GALNT13: variants seen among roughly 807,000 people sequenced by gnomAD.
GALNT13 encodes the protein UDP-GalNAc:polypeptide N-acetylgalactosaminyltransferase 13.
GALNT13 carries 28 observed loss-of-function variants against 64.2 expected under a neutral mutation model. The ratio of observed to expected loss-of-function variants is 0.44; its 90% CI spans 0.32 to 0.60. The LOEUF (loss-of-function observed/expected upper bound fraction) is 0.60. Among genes scored for constraint, GALNT13 ranks in the 20% least tolerant of loss-of-function variants. The pLI is 0.05. For synonymous variants in GALNT13, 214 were observed against 224.6 expected (o/e 0.95, Z 0.42); for missense variants, 577 against 669.8 (o/e 0.86, Z 1.53).
the GALNT13 span, among the ~76,000 whole-genome samples, chr2:153,808,209 A>T: frequency 1.3e-5 from 2 of 152,120 alleles, no homozygotes; most frequent in Non-Finnish European, 2.9e-5. Flanking sequence ...TTCTATACTG[A>T]AACTACCTAA....
At chr2:153,648,943 C>T in the GALNT13 span, among the ~76,000 whole-genome samples, 2 of 152,098 alleles carry the variant, frequency 1.3e-5, no homozygotes, top group Non-Finnish European at 2.9e-5. Flanking sequence ...GGTTGTGTCT[C>T]TGCCAGGCTT....
At chr2:154,001,467 CA>C (rs957249909) in intron 3 of GALNT13, among the ~76,000 whole-genome samples, 11 of 151,710 alleles carry the variant, frequency 7.3e-5, no homozygotes, top group African/African-American at 1.9e-4. Context: ...ATGAAGCTTA[CA>C]AAAAAATTAT....
intron 3 of GALNT13, among the ~76,000 whole-genome samples, chr2:154,005,718 T>A (rs924753053): frequency 2.0e-5 from 3 of 152,180 alleles, no homozygotes; most frequent in Non-Finnish European, 2.9e-5. Context: ...CGATTTATTT[T>A]TTTTTTGTGG....
the GALNT13 span, among the ~76,000 whole-genome samples, chr2:153,359,470 AAC>A: frequency 5.9e-5 from 9 of 151,944 alleles, no homozygotes; most frequent in African/African-American, 2.2e-4. Context: ...AAACAGGAAA[AAC>A]AGTCAGACTT....
At chr2:153,723,657 A>C in the GALNT13 span, among the ~76,000 whole-genome samples, 70 of 152,258 alleles carry the variant, frequency 4.6e-4, no homozygotes, top group African/African-American at 1.4e-3. Flanking sequence ...CTATACACCA[A>C]CAACAAACAA....
intron 11 of GALNT13, among the ~76,000 whole-genome samples, chr2:154,422,807 A>G (rs976536103): frequency 6.6e-6 from 1 of 152,236 alleles, no homozygotes; most frequent in African/African-American, 2.4e-5. Flanking sequence ...AGCAAGTGCC[A>G]CTTCTGGGTG....
the GALNT13 span, among the ~76,000 whole-genome samples, chr2:153,767,598 C>A: frequency 2.0e-5 from 3 of 152,134 alleles, no homozygotes; most frequent in African/African-American, 7.2e-5. Flanking sequence ...TACTCCACAT[C>A]CATAACAACA....
chr2:154,086,393 A>G (rs1701528399), intron 3 of GALNT13, among the ~76,000 whole-genome samples: 1 of 148,242 alleles, frequency 6.7e-6, no homozygotes, highest in African/African-American at 2.4e-5. Context: ...TATTTATATT[A>G]TATTTACATT....
chr2:154,201,265 T>G (rs1307714107), intron 4 of GALNT13, among the ~76,000 whole-genome samples: 1 of 152,112 alleles, frequency 6.6e-6, no homozygotes, highest in East Asian at 1.9e-4. Context: ...GAATGTGTAT[T>G]CATGACAGCA....
the GALNT13 span, chr2:153,421,082 G>C: frequency 4.1e-6 from 1 of 244,764 alleles, no homozygotes; most frequent in South Asian, 5.6e-5. Flanking sequence ...AGTAAGCCAT[G>C]TATTTACCAT....
Position 154,123,654 on chromosome 2 carries a change from G to C in GALNT13, c.143-16683G>C, listed in dbSNP as rs191590686. On this transcript the variant is annotated intron_variant, in intron 3 of 12. Coordinates refer to ENST00000392825, the MANE Select transcript of GALNT13 (RefSeq NM_052917.4). ...GAAAAAGTGCCTTAGAGAACGGTTT[G>C]TCATTTCTTATAAAGTTAAGAAATG... is the stretch of plus-strand genomic sequence containing the variant. 3.1e-3 allele frequency among the ~76,000 whole-genome samples: 465 copies of C among 152,004 alleles called. 1 individual carries two copies. The highest frequency in any genetic ancestry group is 4.4e-3 in the Non-Finnish European group (300 of 67,878).
chr2:153,098,619 T>G, the GALNT13 span, among the ~76,000 whole-genome samples: 282 of 152,328 alleles, frequency 1.9e-3, 2 homozygotes, highest in Middle Eastern at 0.01. Flanking sequence ...TATTGTTGCA[T>G]ATGGCTGTAT....
the GALNT13 span, among the ~76,000 whole-genome samples, chr2:153,858,818 C>T: frequency 5.9e-5 from 9 of 152,012 alleles, no homozygotes; most frequent in East Asian, 1.9e-4. Flanking sequence ...CTGCAACCTC[C>T]GCCTCCTGGG....
chr2:153,253,700 G>A, the GALNT13 span, among the ~76,000 whole-genome samples: 1 of 150,562 alleles, frequency 6.6e-6, no homozygotes, highest in East Asian at 1.9e-4. Flanking sequence ...TTTTGTCAAA[G>A]GCCTTTTCTG....
At chr2:153,657,336 G>A in the GALNT13 span, among the ~76,000 whole-genome samples, 31,719 of 152,066 alleles carry the variant, frequency 0.21, 4,161 homozygotes, top group Middle Eastern at 0.44. Flanking sequence ...CAGAATGAGC[G>A]GAAGAGGGAA....
chr2:153,729,838 C>T, the GALNT13 span, among the ~76,000 whole-genome samples: 1 of 151,824 alleles, frequency 6.6e-6, no homozygotes, highest in Non-Finnish European at 1.5e-5. Context: ...CAAAAACAAT[C>T]AAGCTGAGAA....
intron 3 of GALNT13, among the ~76,000 whole-genome samples, chr2:154,113,803 G>A (rs141128308): frequency 3.9e-5 from 6 of 152,348 alleles, no homozygotes; most frequent in Admixed American, 3.3e-4. Context: ...TACCCCTGAG[G>A]TAGGACAGTA....
At chr2:153,629,427 G>T in the GALNT13 span, among the ~76,000 whole-genome samples, 4 of 151,754 alleles carry the variant, frequency 2.6e-5, no homozygotes, top group Non-Finnish European at 5.9e-5. Flanking sequence ...AATGGTGCTG[G>T]GAAAACTGGC....
chr2:153,205,263 T>C, the GALNT13 span, among the ~76,000 whole-genome samples: 228 of 151,988 alleles, frequency 1.5e-3, no homozygotes, highest in African/African-American at 5.3e-3. Context: ...ATTGATATCT[T>C]GGCAGTCTGC....
Sources: gnomAD v4.1 joint callset for allele counts (sites outside exome capture counted in the v4.1 genomes callset) on GRCh38, gnomAD v4.1.1 for gene constraint, MANE v1.5 for transcripts, NCBI Gene and HGNC (gene_info 2026-07-23, HGNC 2026-07-21) for gene names.